FAAH2: variants seen among roughly 807,000 people sequenced by gnomAD.
FAAH2 encodes fatty-acid amide hydrolase 2.
Under a neutral mutation model 36.9 loss-of-function variants are expected in FAAH2, and 60 were observed. The observed-to-expected ratio is 1.63, with a 90% CI of 1.32 to 2.02. The LOEUF (loss-of-function observed/expected upper bound fraction) is 2.02. Among genes scored for constraint, FAAH2 ranks in the 30% most tolerant of loss-of-function variants. The probability of loss-of-function intolerance (pLI) is 0.00; values close to 1 mark genes in which losing one functional copy is unlikely to be tolerated. For missense variants in FAAH2, 689 were observed against 397.5 expected, an observed-to-expected ratio of 1.73 and a Z score of -6.23; for synonymous variants, 214 against 143.8, an observed-to-expected ratio of 1.49 and a Z score of -3.49.
chrX:57,126,335 T>C, the FAAH2 span, among the ~76,000 whole-genome samples: 1 of 112,330 alleles, frequency 8.9e-6, no homozygotes, highest in African/African-American at 3.2e-5. Flanking sequence ...TAGCATCTTA[T>C]CACCATTCTT....
chrX:57,166,057 C>G, the FAAH2 span, among the ~76,000 whole-genome samples: 1 of 110,342 alleles, frequency 9.1e-6, no homozygotes, highest in East Asian at 2.9e-4. Flanking sequence ...TGGAAGAGCA[C>G]ACCAACAGGC....
chrX:57,360,236 A>G (rs1356991335), intron 5 of FAAH2, among the ~76,000 whole-genome samples: 1 of 110,594 alleles, frequency 9.0e-6, no homozygotes, highest in Non-Finnish European at 1.9e-5. Flanking sequence ...CTCAAAATTG[A>G]GAAGTTTTTG....
intron 5 of FAAH2, among the ~76,000 whole-genome samples, chrX:57,353,637 T>C (rs1175537044): frequency 9.0e-6 from 1 of 110,655 alleles, no homozygotes; most frequent in Non-Finnish European, 1.9e-5. Flanking sequence ...ACCTTTTGCC[T>C]AGCAAAGATG....
At chrX:57,189,250 TC>T in the FAAH2 span, among the ~76,000 whole-genome samples, 1 of 110,695 alleles carries the variant, frequency 9.0e-6, no homozygotes, top group African/African-American at 3.3e-5. Context: ...TCATTTATGT[TC>T]TTCTCTAAAC....
the FAAH2 span, among the ~76,000 whole-genome samples, chrX:57,124,957 T>C: frequency 0.45 from 50,271 of 111,177 alleles, 11,332 homozygotes; most frequent in African/African-American, 0.88. Flanking sequence ...CAAACAGGCA[T>C]AATTTGACTT....
chrX:57,301,607 T>TATAATAATA (rs200729067), intron 2 of FAAH2, among the ~76,000 whole-genome samples: 6 of 100,250 alleles, frequency 6.0e-5, no homozygotes, highest in African/African-American at 2.2e-4. Context: ...AAACTTAAAG[T>TATAATAATA]ATAATAATAA....
At chrX:57,361,461 C>T (rs1602403754) in intron 5 of FAAH2, among the ~76,000 whole-genome samples, 2 of 110,547 alleles carry the variant, frequency 1.8e-5, no homozygotes, top group African/African-American at 6.5e-5. Context: ...CTAATGTATC[C>T]CATGGGTTTT....
At chrX:57,246,542 C>G in the FAAH2 span, among the ~76,000 whole-genome samples, 3 of 111,712 alleles carry the variant, frequency 2.7e-5, no homozygotes, top group Non-Finnish European at 3.8e-5. Flanking sequence ...CGGCTTCATC[C>G]CTGGGATGCA....
intron 3 of FAAH2, among the ~76,000 whole-genome samples, chrX:57,324,775 G>A (rs151133002): frequency 1.8e-5 from 2 of 112,146 alleles, no homozygotes; most frequent in African/African-American, 6.5e-5. Context: ...ATACAATCAT[G>A]TGATCTGCAA....
chrX:57,352,099 T>TATATATATGTGTATATATATACAC (rs2054033653), intron 5 of FAAH2, among the ~76,000 whole-genome samples: 4 of 14,755 alleles, frequency 2.7e-4, no homozygotes, highest in Non-Finnish European at 4.8e-4. Flanking sequence ...TATGCACATA[T>TATATATATGTGTATATATATACAC]ATATATATGT....
intron 10 of FAAH2, among the ~76,000 whole-genome samples, chrX:57,457,203 T>C (rs2056877619): frequency 8.9e-6 from 1 of 111,813 alleles, no homozygotes; most frequent in Admixed American, 9.5e-5. Flanking sequence ...AAAAACTACA[T>C]GATCATCTCA....
intron 2 of FAAH2, among the ~76,000 whole-genome samples, chrX:57,301,310 T>A (rs5914964): frequency 0.54 from 59,237 of 108,821 alleles, 14,350 homozygotes; most frequent in Non-Finnish European, 0.75. Context: ...ATTTCCTTTG[T>A]AGGGACATGG....
chrX:57,306,994 G>GATTATATATATATATATATATATATAT (rs2052556322), intron 2 of FAAH2, among the ~76,000 whole-genome samples: 1 of 31,023 alleles, frequency 3.2e-5, no homozygotes, highest in Non-Finnish European at 7.3e-5. Context: ...CACACACACA[G>GATTATATATATATATATATATATATAT]ATACATATAT....
rs761956420 is a variant in FAAH2 at position 57,286,848 on chromosome X, G to T, written c.23G>T (p.Arg8Leu). MAPSFTA[R>L]IQLFLLRALG... ...GCGATGGCACCTTCATTTACCGCCC[G>T]CATTCAGTTGTTCCTCTTGCGGGCG... Residue 8 changes from arginine (R) to leucine (L), a missense_variant, in exon 1 of 11, where the codon CGC (arginine) becomes CTC (leucine). Transcript: ENST00000374900. 7.6e-6 allele frequency: 9 copies of T among 1,185,374 alleles called. No individual in the cohort carries two copies. Among genetic ancestry groups the T allele is most frequent in the Admixed American group, 4.6e-5 (2 of 43,875 alleles).
At chrX:57,429,074 G>A (rs752070612) in intron 7 of FAAH2, among the ~76,000 whole-genome samples, 21 of 111,666 alleles carry the variant, frequency 1.9e-4, no homozygotes, top group Non-Finnish European at 3.2e-4. Context: ...AGTGGCTCAC[G>A]CCTGTAATCC....
intron 2 of FAAH2, among the ~76,000 whole-genome samples, chrX:57,306,615 G>C (rs192907576): frequency 9.5e-6 from 1 of 105,279 alleles, no homozygotes; most frequent in African/African-American, 3.4e-5. Context: ...TCTTTTAGTT[G>C]AACCTCTAGG....
intron 2 of FAAH2, among the ~76,000 whole-genome samples, chrX:57,301,650 A>T (rs1467526184): frequency 9.3e-6 from 1 of 108,077 alleles, no homozygotes; most frequent in African/African-American, 3.4e-5. Flanking sequence ...AATAAAAGAA[A>T]TATCTTCACA....
chrX:57,283,365 G>A (rs1161460834), upstream of FAAH2, among the ~76,000 whole-genome samples: 2 of 111,721 alleles, frequency 1.8e-5, no homozygotes, highest in Non-Finnish European at 3.8e-5. Flanking sequence ...CCTGAGGTGG[G>A]GACCCCGCTT....
In FAAH2 at chrX:57,292,570, G is replaced by T. The variant is rs1163491094; in HGVS notation, c.265G>T (p.Val89Phe). 1.7e-6 allele frequency: 2 copies of T among 1,207,717 alleles called. No homozygotes were observed. Among genetic ancestry groups the T allele is most frequent in the Non-Finnish European group, 1.1e-6 (1 of 892,835 alleles). ...KDVNPMINGIVKYRFEEAMKE... is the reference protein window; with the variant it reads ...KDVNPMINGIFKYRFEEAMKE... ...CGTGAACCCAATGATCAATGGAATT[G>T]TCAAGTACAGGTGAGCATTTCCACT... Residue 89 changes from valine to phenylalanine, a missense_variant, in exon 2 of 11, where the codon GTC (valine) becomes TTC (phenylalanine). Val to Phe is a conservative substitution (Grantham distance 50). Coordinates refer to ENST00000374900, the MANE Select transcript of FAAH2 (RefSeq NM_174912.4).
Sources: gnomAD v4.1 joint callset for allele counts (sites outside exome capture counted in the v4.1 genomes callset) on GRCh38, gnomAD v4.1.1 for gene constraint, MANE v1.5 for transcripts, NCBI Gene and HGNC (gene_info 2026-07-23, HGNC 2026-07-21) for gene names.